Variants in ATG5 observed in about 807,000 individuals in gnomAD.
ATG5 encodes the protein autophagy protein 5.
Under a neutral mutation model 36.5 loss-of-function variants are expected in ATG5, and 14 were observed. The observed-to-expected ratio is 0.38, with a 90% CI of 0.25 to 0.60. ATG5 has a LOEUF of 0.60. Among genes scored for constraint, ATG5 ranks in the 20% least tolerant of loss-of-function variants. The pLI is 0.60. For synonymous variants in ATG5, 95 were observed against 101.5 expected (o/e 0.94, Z 0.38); for missense variants, 195 against 326.7 (o/e 0.60, Z 3.11).
chr6:106,246,406 A>T (rs920553410), intron 6 of ATG5, among the ~76,000 whole-genome samples: 211 of 149,976 alleles, frequency 1.4e-3, no homozygotes, highest in Middle Eastern at 3.5e-3. Context: ...ACACACACAC[A>T]CACACACACA....
chr6:106,203,878 T>C (rs1353359505), intron 6 of ATG5, among the ~76,000 whole-genome samples: 2 of 152,170 alleles, frequency 1.3e-5, no homozygotes, highest in South Asian at 2.1e-4. Context: ...GACAGAGGTA[T>C]ACCTCAACAT....
At chr6:106,190,741 G>GA (rs531183646) in intron 7 of ATG5, among the ~76,000 whole-genome samples, 1 of 150,842 alleles carries the variant, frequency 6.6e-6, no homozygotes, top group Non-Finnish European at 1.5e-5. Flanking sequence ...ATTACATATA[G>GA]AAAAAAAATA....
At chr6:106,302,312 A>C (rs1263531630) in intron 3 of ATG5, among the ~76,000 whole-genome samples, 1 of 152,054 alleles carries the variant, frequency 6.6e-6, no homozygotes, top group Non-Finnish European at 1.5e-5. Flanking sequence ...TACACCTGGA[A>C]AGACCTGGAA....
At chr6:106,302,262 C>T (rs959801008) in intron 3 of ATG5, among the ~76,000 whole-genome samples, 4 of 151,874 alleles carry the variant, frequency 2.6e-5, no homozygotes, top group Admixed American at 6.6e-5. Flanking sequence ...AAACGGAAGC[C>T]CAAAACATTA....
chr6:106,287,520 A>G (rs984561770), intron 4 of ATG5, among the ~76,000 whole-genome samples: 1 of 152,192 alleles, frequency 6.6e-6, no homozygotes, highest in Non-Finnish European at 1.5e-5. Context: ...ACCCTTAATC[A>G]TTGCTGTCAA....
intron 1 of ATG5, among the ~76,000 whole-genome samples, chr6:106,321,405 A>C (rs962931553): frequency 2.7e-5 from 4 of 148,082 alleles, no homozygotes; most frequent in South Asian, 2.1e-4. Flanking sequence ...GTCGCTCAGG[A>C]TGGAGTGCAG....
chr6:106,263,011 G>A (rs1779088599), intron 5 of ATG5, among the ~76,000 whole-genome samples: 1 of 152,166 alleles, frequency 6.6e-6, no homozygotes, highest in Non-Finnish European at 1.5e-5. Context: ...CATTCCCCTG[G>A]AAAGGGTGCT....
At chr6:106,311,168 TTCCAC>T (rs750433427) in intron 2 of ATG5, among the ~76,000 whole-genome samples, 26 of 152,186 alleles carry the variant, frequency 1.7e-4, no homozygotes, top group Non-Finnish European at 3.4e-4. Context: ...TAGAATTCTG[TTCCAC>T]TCCAATGTGT....
chr6:106,294,186 T>C (rs186924118), intron 3 of ATG5, among the ~76,000 whole-genome samples: 57 of 152,290 alleles, frequency 3.7e-4, no homozygotes, highest in Middle Eastern at 3.4e-3. Flanking sequence ...AGAAGACTAC[T>C]TGGTGTTATA....
chr6:106,201,501 C>G (rs1776429297), intron 7 of ATG5, among the ~76,000 whole-genome samples: 1 of 152,004 alleles, frequency 6.6e-6, no homozygotes, highest in African/African-American at 2.4e-5. Flanking sequence ...TTTGAACGAA[C>G]TTGTAGATTG....
intron 6 of ATG5, among the ~76,000 whole-genome samples, chr6:106,236,069 T>TTGTCTG (rs1777893521): frequency 6.6e-6 from 1 of 152,232 alleles, no homozygotes; most frequent in Non-Finnish European, 1.5e-5. Flanking sequence ...GTTTTGTCTG[T>TTGTCTG]TCTAGAACTT....
chr6:106,216,955 T>G (rs1311033875), intron 6 of ATG5, among the ~76,000 whole-genome samples: 1 of 146,274 alleles, frequency 6.8e-6, no homozygotes, highest in Non-Finnish European at 1.5e-5. Flanking sequence ...TCAAGTAAGC[T>G]GTTATTAAAA....
At chr6:106,221,790 G>A (rs1404630211) in intron 6 of ATG5, among the ~76,000 whole-genome samples, 1 of 152,076 alleles carries the variant, frequency 6.6e-6, no homozygotes, top group Non-Finnish European at 1.5e-5. Flanking sequence ...ACATCTTAAG[G>A]AGAGATGAAA....
Position 106,324,131 on chromosome 6 carries a change from T to C in ATG5, c.-59+1395A>G, listed in dbSNP as rs559321229. On this transcript the variant is annotated intron_variant, in intron 1 of 7. Transcript: ENST00000369076. ...CCACTTGACGTACACAGTTGGCCCT[T>C]CCTACCCATGGGTTCTTCGTCCTTG... is the stretch of plus-strand genomic sequence containing the variant. Among the ~76,000 whole-genome samples the C allele has an allele frequency of 2.0e-5, 3 of 152,314 alleles. No individual in the cohort carries two copies. In the South Asian group the frequency reaches 6.2e-4, roughly 32 times the overall value.
At chr6:106,269,661 CATTGCCCGGGGCCGGCA>C (rs1160180114) in intron 5 of ATG5, among the ~76,000 whole-genome samples, 1 of 152,234 alleles carries the variant, frequency 6.6e-6, no homozygotes, top group Non-Finnish European at 1.5e-5. Context: ...CTAAGCCCCT[CATTGCCCGGGGCCGGCA>C]GGGCCGGCCG....
intron 6 of ATG5, chr6:106,217,418 A>C (rs1562217215): frequency 6.6e-6 from 1 of 152,250 alleles, no homozygotes; most frequent in Non-Finnish European, 1.5e-5. Context: ...AAAAGTATCA[A>C]ATATGGGACC....
At chr6:106,246,390 T>TCACA (rs1423043399) in intron 6 of ATG5, among the ~76,000 whole-genome samples, 125 of 113,508 alleles carry the variant, frequency 1.1e-3, no homozygotes, top group African/African-American at 4.6e-3. Flanking sequence ...TCTCTCTCTC[T>TCACA]CTCACACACA....
intron 3 of ATG5, among the ~76,000 whole-genome samples, chr6:106,300,307 C>G (rs1170760161): frequency 6.6e-6 from 1 of 152,008 alleles, no homozygotes; most frequent in Non-Finnish European, 1.5e-5. Flanking sequence ...AAATTCACAA[C>G]CTTAAAAAGA....
At chr6:106,284,988 G>A (rs1562255491) in intron 4 of ATG5, among the ~76,000 whole-genome samples, 1 of 152,112 alleles carries the variant, frequency 6.6e-6, no homozygotes, top group Non-Finnish European at 1.5e-5. Context: ...ACACTGAGGA[G>A]TGTAACCATT....
Sources: gnomAD v4.1 joint callset for allele counts (sites outside exome capture counted in the v4.1 genomes callset) on GRCh38, gnomAD v4.1.1 for gene constraint, MANE v1.5 for transcripts, NCBI Gene and HGNC (gene_info 2026-07-23, HGNC 2026-07-21) for gene names.